Variants in FASTKD2 observed in about 807,000 individuals in gnomAD.
The protein encoded by FASTKD2 is FAST kinase domain-containing protein 2, mitochondrial.
Under a neutral mutation model 63.6 loss-of-function variants are expected in FASTKD2, and 51 were observed. The ratio of observed to expected loss-of-function variants is 0.80; its 90% CI spans 0.64 to 1.01. The LOEUF (loss-of-function observed/expected upper bound fraction) is 1.01, where lower values mean the gene tolerates loss of function less well. FASTKD2 is among the 50% of genes least tolerant of loss of function. The probability of loss-of-function intolerance (pLI) is 0.00; values close to 1 mark genes in which losing one functional copy is unlikely to be tolerated. For missense variants in FASTKD2, 786 were observed against 831.1 expected (o/e 0.95, Z 0.67); for synonymous variants, 284 against 293.4 (o/e 0.97, Z 0.33).
rs570728838 is a variant in FASTKD2 at position 206,766,570 on chromosome 2, T to C, written c.-50-74T>C. 6.5e-5 allele frequency: 57 copies of C among 876,912 alleles called. No homozygotes were observed. The South Asian group carries it at 7.9e-4, about 12-fold the overall frequency. The allele number at this position is 876,912 out of a possible 1,614,324, so 54.3% of individuals were successfully genotyped here. On this transcript the variant is annotated intron_variant, in intron 1 of 11. Transcript: ENST00000402774. ...CATAGGTTCCCCATTTTCTCTTCTG[T>C]TAAATGCATTTCATTTCTTTAAGTA...
At chr2:206,771,653 C>CAAAA (rs71034472) in intron 4 of FASTKD2, among the ~76,000 whole-genome samples, 6 of 44,542 alleles carry the variant, frequency 1.3e-4, no homozygotes, top group African/African-American at 3.5e-4. Context: ...CCTGTCTCTG[C>CAAAA]AAAAAAAAAA....
At chr2:206,770,965 T>C (rs1689663001) in intron 3 of FASTKD2, among the ~76,000 whole-genome samples, 1 of 152,144 alleles carries the variant, frequency 6.6e-6, no homozygotes, top group Admixed American at 6.5e-5. Context: ...CATAATTTGT[T>C]CTTTAGTAAA....
chr2:206,771,626 G>C (rs1689683631), intron 4 of FASTKD2, among the ~76,000 whole-genome samples: 1 of 144,588 alleles, frequency 6.9e-6, no homozygotes, highest in African/African-American at 2.6e-5. Flanking sequence ...AGACCAGCCT[G>C]GGTGACTGAG....
At chr2:206,769,539 G>T (rs1032719318) in intron 2 of FASTKD2, among the ~76,000 whole-genome samples, 6 of 152,210 alleles carry the variant, frequency 3.9e-5, no homozygotes, top group Admixed American at 3.3e-4. Context: ...AGAATCTGTG[G>T]GGTGTAGGCT....
At chr2:206,779,647 A>G (rs756564665) in intron 7 of FASTKD2, among the ~76,000 whole-genome samples, 3 of 152,260 alleles carry the variant, frequency 2.0e-5, no homozygotes, top group Non-Finnish European at 4.4e-5. Context: ...TCACCTTCCA[A>G]CAGGTCTCTC....
intron 2 of FASTKD2, among the ~76,000 whole-genome samples, chr2:206,768,588 T>TA (rs1320561257): frequency 1.3e-5 from 2 of 152,102 alleles, no homozygotes; most frequent in Non-Finnish European, 2.9e-5. Flanking sequence ...TGGTCCCAGC[T>TA]ACTTGGGAGG....
intron 11 of FASTKD2, 173 bp from the exon 12 acceptor site, chr2:206,791,510 T>C (rs1213913469): frequency 2.1e-5 from 13 of 623,166 alleles, no homozygotes; most frequent in Non-Finnish European, 3.4e-5. Flanking sequence ...TAAAGCTTTC[T>C]TAAACCCTAG....
At chr2:206,770,417 G>C (rs901203652) in intron 3 of FASTKD2, among the ~76,000 whole-genome samples, 2 of 152,090 alleles carry the variant, frequency 1.3e-5, no homozygotes, top group African/African-American at 2.4e-5. Context: ...ACAAAGATGT[G>C]AGTAACATTG....
chr2:206,771,739 A>G (rs566208529), intron 4 of FASTKD2, among the ~76,000 whole-genome samples, 155 bp from the exon 5 acceptor site: 1 of 151,472 alleles, frequency 6.6e-6, no homozygotes, highest in East Asian at 2.0e-4. Flanking sequence ...CTGTAATCCC[A>G]GCTACATGGG....
At chr2:206,788,262 G>A in intron 9 of FASTKD2, 107 bp downstream of exon 9, 1 of 728,184 alleles carries the variant, frequency 1.4e-6, no homozygotes, top group Non-Finnish European at 2.4e-6. Context: ...GTGCAGCATT[G>A]CCTCTGGAAC....
In FASTKD2 at chr2:206,792,909, G is replaced by A. The variant is rs1690326895; in HGVS notation, c.*1107G>A. On this transcript the variant is annotated 3_prime_UTR_variant, in exon 12 of 12. Coordinates refer to ENST00000402774, the MANE Select transcript of FASTKD2 (RefSeq NM_001136193.2). ...GGGGAGGGCTGGAGTTTGAATGTGA[G>A]CTAACATAGGCTTATAAGAAAATAC... Among the ~76,000 whole-genome samples the A allele has an allele frequency of 6.6e-6, 1 of 152,124 alleles. No homozygotes were observed. Among genetic ancestry groups the A allele is most frequent in the African/African-American group, 2.4e-5 (1 of 41,422 alleles).
Position 206,786,740 on chromosome 2 carries a change from G to C in FASTKD2, c.1435G>C (p.Val479Leu). The C allele has an allele frequency of 1.2e-6, 2 of 1,613,736 alleles. No individual in the cohort carries two copies. The highest frequency in any genetic ancestry group is 1.7e-6 in the Non-Finnish European group (2 of 1,179,682). ...VYKCQNKEQF[V>L]EVMASALTGY... ...CTTTTCTTTGTTCCCCAGACAGTTC[G>C]TGGAAGTTATGGCTAGTGCTCTGAC... Residue 479 changes from valine (V) to leucine (L), a missense_variant, in exon 8 of 12, where the codon GTG (valine) becomes CTG (leucine). Coordinates refer to ENST00000402774, the MANE Select transcript of FASTKD2 (RefSeq NM_001136193.2).
Position 206,767,476 on chromosome 2 carries a change from A to G in FASTKD2, c.777+6A>G, listed in dbSNP as rs765585969. On this transcript the variant is annotated splice_donor_region_variant and intron_variant, in intron 2 of 11. Coordinates refer to ENST00000402774, the MANE Select transcript of FASTKD2 (RefSeq NM_001136193.2). ...CTTTGCTGAGGGTGACCCAGGTAAA[A>G]TAAAAAGGAGATTTAAACATGCATT... 4 of 1,604,828 alleles carry G rather than the reference A, an allele frequency of 2.5e-6. No individual in the cohort carries two copies. In the East Asian group the frequency reaches 8.9e-5, roughly 36 times the overall value.
intron 7 of FASTKD2, among the ~76,000 whole-genome samples, chr2:206,775,418 A>G (rs761122839): frequency 6.6e-6 from 1 of 151,528 alleles, no homozygotes; most frequent in Non-Finnish European, 1.5e-5. Context: ...ATTGATTTGC[A>G]TATGTTGAAC....
chr2:206,768,031 C>G (rs1689572365), intron 2 of FASTKD2, among the ~76,000 whole-genome samples: 1 of 151,944 alleles, frequency 6.6e-6, no homozygotes, highest in Admixed American at 6.6e-5. Context: ...ACATGGCGAT[C>G]AAAGGAGAGG....
chr2:206,788,836 G>C lies in FASTKD2; in HGVS notation c.1831G>C (p.Asp611His), dbSNP rs766691531. 6.4e-7 allele frequency: 1 copy of C among 1,550,948 alleles called. No homozygotes were observed. The highest frequency in any genetic ancestry group is 1.1e-5 in the South Asian group (1 of 89,760). The change falls in exon 10 of 12, where the codon GAC becomes CAC. Residue 611 changes from aspartate (D) to histidine (H), a missense_variant. Physicochemically the swap from Asp to His is moderately conservative, Grantham distance 81 (BLOSUM62 -1). Transcript: ENST00000402774. ...NYHIDFEIRM[D>H]TNRNQVLPLS... ...CCTTTCAGATTTTGAAATCAGAATG[G>C]ACACTAACAGGAATCAAGTGCTACC...
At chr2:206,780,538 G>T (rs1166049467) in intron 7 of FASTKD2, among the ~76,000 whole-genome samples, 2 of 152,122 alleles carry the variant, frequency 1.3e-5, no homozygotes, top group Non-Finnish European at 2.9e-5. Flanking sequence ...TGCTTTTAAA[G>T]TTCTTTTTGT....
In FASTKD2 at chr2:206,792,243, G is replaced by A; in HGVS notation, c.*441G>A. The A allele has an allele frequency of 5.2e-6, 1 of 191,658 alleles. No homozygotes were observed. Among genetic ancestry groups the A allele is most frequent in the East Asian group, 1.4e-4 (1 of 7,288 alleles). 11.9% of individuals were successfully genotyped at this position (191,658 alleles called of 1,614,324 possible). ...TTCAAGCATTGGCCAAATAATAATT[G>A]GACAAAGTTCTAAAGTTGTCAAGTG... is the stretch of plus-strand genomic sequence containing the variant. On this transcript the variant is annotated 3_prime_UTR_variant, in exon 12 of 12. Transcript: ENST00000402774.
chr2:206,794,578 A>G lies in FASTKD2; in HGVS notation c.*2776A>G, dbSNP rs934844428. Among the ~76,000 whole-genome samples the G allele has an allele frequency of 1.3e-5, 2 of 152,178 alleles. No individual in the cohort carries two copies. Among genetic ancestry groups the G allele is most frequent in the African/African-American group, 4.8e-5 (2 of 41,440 alleles). ...GATTGAGACATTTACCAGCTCTCCG[A>G]ATTCTCAGTAGTTACCACTGAATAG... On this transcript the variant is annotated 3_prime_UTR_variant, in exon 12 of 12. Coordinates refer to ENST00000402774, the MANE Select transcript of FASTKD2 (RefSeq NM_001136193.2).
Sources: allele counts gnomAD v4.1 joint callset (sites outside exome capture counted in the v4.1 genomes callset), GRCh38; gene constraint gnomAD v4.1.1; transcripts MANE v1.5; gene names NCBI Gene and HGNC (gene_info 2026-07-23, HGNC 2026-07-21).